CSMD1: variants seen among roughly 807,000 people sequenced by gnomAD.
The protein encoded by CSMD1 is CUB and sushi domain-containing protein 1.
In CSMD1, 213 loss-of-function variants were observed where a neutral mutation model predicts 417.5. The observed-to-expected ratio is 0.51, with a 90% CI of 0.46 to 0.57. The LOEUF (loss-of-function observed/expected upper bound fraction) is 0.57. Among genes scored for constraint, CSMD1 ranks in the 20% least tolerant of loss-of-function variants. CSMD1 has a pLI of 0.00. For missense variants in CSMD1, 6,923 were observed against 4,529.7 expected (o/e 1.53, Z -15.17); for synonymous variants, 2,862 against 1,736.8 (o/e 1.65, Z -16.11).
At chr8:4,443,982 A>C (rs1463257584) in intron 2 of CSMD1, among the ~76,000 whole-genome samples, 1 of 152,162 alleles carries the variant, frequency 6.6e-6, no homozygotes, top group Non-Finnish European at 1.5e-5. Flanking sequence ...TGAGGTGAAA[A>C]TGTACAAACG....
At chr8:4,031,643 A>T (rs1253962444) in intron 4 of CSMD1, among the ~76,000 whole-genome samples, 7 of 146,344 alleles carry the variant, frequency 4.8e-5, no homozygotes, top group African/African-American at 1.7e-4. Flanking sequence ...TTTCTCGTAT[A>T]ACATGTAATA....
At chr8:3,889,329 C>T (rs1028481474) in intron 5 of CSMD1, among the ~76,000 whole-genome samples, 5 of 150,968 alleles carry the variant, frequency 3.3e-5, no homozygotes, top group Non-Finnish European at 5.9e-5. Flanking sequence ...AGACGATAAT[C>T]TGCCATGTCT....
intron 6 of CSMD1, among the ~76,000 whole-genome samples, chr8:3,721,720 T>G (rs1172599600): frequency 6.6e-6 from 1 of 152,134 alleles, no homozygotes. Context: ...TGAAAGTTAA[T>G]GGGGTGAAAA....
intron 5 of CSMD1, among the ~76,000 whole-genome samples, chr8:3,929,491 C>A (rs565127547): frequency 6.6e-6 from 1 of 150,390 alleles, no homozygotes; most frequent in Admixed American, 6.6e-5. Flanking sequence ...CTGAAGGACT[C>A]TGCAATCTGC....
At chr8:4,292,392 A>G (rs1797420263) in intron 3 of CSMD1, among the ~76,000 whole-genome samples, 1 of 152,026 alleles carries the variant, frequency 6.6e-6, no homozygotes, top group African/African-American at 2.4e-5. Flanking sequence ...ACCTGGGACT[A>G]CAGGTGCCCG....
Position 3,087,284 on chromosome 8 carries a change from T to A in CSMD1, c.7287A>T (p.Ala2429=). 6.2e-7 allele frequency: 1 copy of A among 1,613,128 alleles called. No homozygotes were observed. Among genetic ancestry groups the A allele is most frequent in the South Asian group, 1.1e-5 (1 of 91,058 alleles). ...GGGGGTGGGTCAAACTGCAGTAAGG[T>A]GCTGTGGGCAGACAGACACACACAG... ...SKKGFKIRYA[A]PYCSLTHPLK... Residue 2429 remains alanine, a splice_region_variant and synonymous_variant, in exon 49 of 70, where the codon GCA becomes GCT. Transcript: ENST00000635120.
chr8:4,209,504 G>A (rs988883626), intron 3 of CSMD1, among the ~76,000 whole-genome samples: 3 of 152,098 alleles, frequency 2.0e-5, no homozygotes, highest in Admixed American at 6.6e-5. Flanking sequence ...CACTCCCATG[G>A]CCCCTCCTCT....
intron 30 of CSMD1, among the ~76,000 whole-genome samples, chr8:3,210,390 C>A (rs888130099): frequency 3.9e-5 from 3 of 77,202 alleles, no homozygotes; most frequent in African/African-American, 1.7e-4. Context: ...GAAACAGTCT[C>A]TAATTAAAAA....
At chr8:3,979,869 A>T (rs1448037567) in intron 5 of CSMD1, among the ~76,000 whole-genome samples, 1 of 152,222 alleles carries the variant, frequency 6.6e-6, no homozygotes, top group Non-Finnish European at 1.5e-5. Context: ...TTTATACTGT[A>T]GACAGTCACA....
intron 1 of CSMD1, among the ~76,000 whole-genome samples, chr8:4,639,873 C>G (rs1453357585): frequency 6.6e-6 from 1 of 151,936 alleles, no homozygotes; most frequent in Non-Finnish European, 1.5e-5. Context: ...AATAAAAAGC[C>G]CATTTTCCAC....
chr8:4,180,405 C>T (rs1025725158), intron 3 of CSMD1, among the ~76,000 whole-genome samples: 26 of 129,370 alleles, frequency 2.0e-4, no homozygotes, highest in African/African-American at 6.0e-4. Context: ...GGAAGGGGAA[C>T]ATCACACTCT....
intron 1 of CSMD1, among the ~76,000 whole-genome samples, chr8:4,682,511 G>A (rs917912435): frequency 6.6e-6 from 1 of 151,910 alleles, no homozygotes; most frequent in African/African-American, 2.4e-5. Context: ...GAAAAAGAAT[G>A]TTTTTCATTA....
chr8:4,206,383 C>G (rs887505185), intron 3 of CSMD1, among the ~76,000 whole-genome samples: 2 of 152,042 alleles, frequency 1.3e-5, no homozygotes, highest in Admixed American at 6.6e-5. Flanking sequence ...TGTCATATTC[C>G]CCACCCTGTC....
At chr8:4,407,924 G>C (rs1229899725) in intron 3 of CSMD1, among the ~76,000 whole-genome samples, 1 of 152,136 alleles carries the variant, frequency 6.6e-6, no homozygotes, top group Non-Finnish European at 1.5e-5. Flanking sequence ...AACGTGTTCA[G>C]CATCTTATTC....
intron 1 of CSMD1, among the ~76,000 whole-genome samples, chr8:4,793,076 T>C (rs1243065265): frequency 6.6e-6 from 1 of 151,848 alleles, no homozygotes; most frequent in Non-Finnish European, 1.5e-5. Flanking sequence ...GTGGAAAATA[T>C]AATATAGCAC....
At chr8:4,255,800 G>A (rs1360937999) in intron 3 of CSMD1, among the ~76,000 whole-genome samples, 2 of 152,140 alleles carry the variant, frequency 1.3e-5, no homozygotes, top group Admixed American at 1.3e-4. Context: ...CCATTCCATG[G>A]CCTCCTCTGG....
intron 5 of CSMD1, among the ~76,000 whole-genome samples, chr8:3,923,193 G>C (rs1323765767): frequency 1.3e-5 from 2 of 152,142 alleles, no homozygotes; most frequent in Admixed American, 6.5e-5. Context: ...GCACTAATGA[G>C]TGGCTGACTC....
chr8:3,567,491 A>C (rs1408590923), intron 10 of CSMD1, among the ~76,000 whole-genome samples: 2 of 147,216 alleles, frequency 1.4e-5, no homozygotes, highest in East Asian at 4.4e-4. Flanking sequence ...CAACAAAAGG[A>C]AGAAAGGAAG....
intron 1 of CSMD1, among the ~76,000 whole-genome samples, chr8:4,926,562 T>C (rs993986994): frequency 1.3e-5 from 2 of 152,190 alleles, no homozygotes; most frequent in Admixed American, 6.5e-5. Flanking sequence ...AGATGTGATA[T>C]AGCCTTGGGG....
Sources: gnomAD v4.1 joint callset for allele counts (sites outside exome capture counted in the v4.1 genomes callset) on GRCh38, gnomAD v4.1.1 for gene constraint, MANE v1.5 for transcripts, NCBI Gene and HGNC (gene_info 2026-07-23, HGNC 2026-07-21) for gene names.